The following ANKDD1B variants were observed in gnomAD, a reference collection of about 807,000 sequenced individuals.
The protein encoded by ANKDD1B is ankyrin repeat and death domain-containing protein 1B.
ANKDD1B carries 57 observed loss-of-function variants against 59.7 expected under a neutral mutation model. The ratio of observed to expected loss-of-function variants is 0.95; its 90% CI spans 0.77 to 1.19. ANKDD1B has a LOEUF of 1.19. Ranked by LOEUF, ANKDD1B falls within the 50% of genes most tolerant of loss-of-function variation. ANKDD1B has a pLI of 0.00. For missense variants in ANKDD1B, 602 were observed against 641.9 expected (o/e 0.94, Z 0.67); for synonymous variants, 216 against 239.5 (o/e 0.90, Z 0.91).
At chr5:75,656,556 G>A (rs1774981808) in intron 9 of ANKDD1B, among the ~76,000 whole-genome samples, 1 of 152,170 alleles carries the variant, frequency 6.6e-6, no homozygotes, top group African/African-American at 2.4e-5. Context: ...AGGCAAAAGA[G>A]GCCTCTTGGA....
chr5:75,670,588 G>A (rs918902799), intron 13 of ANKDD1B, among the ~76,000 whole-genome samples: 1 of 152,200 alleles, frequency 6.6e-6, no homozygotes, highest in Non-Finnish European at 1.5e-5. Flanking sequence ...CTCAAAGAGC[G>A]TATTTATGTA....
chr5:75,618,368 C>T (rs925505140), intron 2 of ANKDD1B, among the ~76,000 whole-genome samples: 1 of 152,136 alleles, frequency 6.6e-6, no homozygotes, highest in Non-Finnish European at 1.5e-5. Context: ...AACATTTTTC[C>T]ATATACAACT....
At position 75,669,244 on chromosome 5, in the gene ANKDD1B, T is replaced by G; in HGVS notation, c.1394-8T>G. 8.1e-7 allele frequency: 1 copy of G among 1,232,068 alleles called. No individual in the cohort carries two copies. The highest frequency in any genetic ancestry group is 1.5e-5 in the African/African-American group (1 of 64,534). 76.3% of individuals were successfully genotyped at this position (1,232,068 alleles called of 1,614,324 possible). ...TGTTTTACCTCGGACCTCTTGTGCT[T>G]GGCACAGGAAATGAAAGCTTCCGTG... On this transcript the variant is annotated splice_region_variant and splice_polypyrimidine_tract_variant and intron_variant, in intron 12 of 13. Transcript: ENST00000601380.
At chr5:75,619,893 G>A (rs1029198810) in intron 2 of ANKDD1B, among the ~76,000 whole-genome samples, 2 of 152,098 alleles carry the variant, frequency 1.3e-5, no homozygotes, top group Non-Finnish European at 2.9e-5. Flanking sequence ...AGAGAAGAAC[G>A]AACACGAGTG....
At chr5:75,621,759 C>T (rs1183667590) in intron 3 of ANKDD1B, among the ~76,000 whole-genome samples, 1 of 152,182 alleles carries the variant, frequency 6.6e-6, no homozygotes, top group Non-Finnish European at 1.5e-5. Flanking sequence ...TGTCAGAGTG[C>T]AAATCAATTA....
chr5:75,644,685 TCAA>T (rs758097939), intron 7 of ANKDD1B, among the ~76,000 whole-genome samples: 1 of 20,584 alleles, frequency 4.9e-5, no homozygotes, highest in South Asian at 1.1e-3. Context: ...ATTAGACAGA[TCAA>T]CGAGACAGAA....
rs1224876058 is a variant in ANKDD1B at position 75,644,099 on chromosome 5, G to A, written c.798+8217G>A. Among the ~76,000 whole-genome samples, 45 of 107,032 alleles carry A rather than the reference G, an allele frequency of 4.2e-4. 1 individual carries two copies. The highest frequency in any genetic ancestry group is 1.6e-3 in the African/African-American group (23 of 14,322). 70.2% of individuals were successfully genotyped at this position (107,032 alleles called of 152,430 possible). A position where few individuals can be genotyped will look rare whatever the true frequency, so the allele number is the denominator to read the frequency against. ...CCCTAAAAGAGCTCCTGAAGGAAGCGCTAAACATGGAAAGGAACAACTGGT... is the reference window on the plus strand; with the variant it reads ...CCCTAAAAGAGCTCCTGAAGGAAGCACTAAACATGGAAAGGAACAACTGGT... On this transcript the variant is annotated intron_variant, in intron 7 of 13. Coordinates refer to ENST00000601380, the MANE Select transcript of ANKDD1B (RefSeq NM_001276713.2).
chr5:75,655,571 T>G (rs1774951366), intron 8 of ANKDD1B, among the ~76,000 whole-genome samples: 1 of 152,232 alleles, frequency 6.6e-6, no homozygotes, highest in Non-Finnish European at 1.5e-5. Context: ...TGAGTTTAAA[T>G]GTCAGTTCTT....
intron 7 of ANKDD1B, 98 bp from the exon 8 acceptor site, chr5:75,653,044 T>C: frequency 1.2e-6 from 1 of 805,010 alleles, no homozygotes; most frequent in Non-Finnish European, 2.1e-6. Context: ...GTAGTTGTAC[T>C]ATTTCATTGT....
rs901284175 is a variant in ANKDD1B, at chr5:75,644,980, A to C, written c.799-8162A>C. Among the ~76,000 whole-genome samples, 46 of 132,394 alleles carry C rather than the reference A, an allele frequency of 3.5e-4. 1 individual carries two copies. The highest frequency in any genetic ancestry group is 5.5e-4 in the Non-Finnish European group (37 of 67,330). 86.9% of individuals were successfully genotyped at this position (132,394 alleles called of 152,430 possible). ...CGCTCAACTACATGGAAACTGAACA[A>C]CCTGCTCCTGAATGACTATTGGGTA... On this transcript the variant is annotated intron_variant, in intron 7 of 13. Coordinates refer to ENST00000601380, the MANE Select transcript of ANKDD1B (RefSeq NM_001276713.2).
At chr5:75,640,155 C>G (rs1279199173) in intron 7 of ANKDD1B, among the ~76,000 whole-genome samples, 1 of 151,932 alleles carries the variant, frequency 6.6e-6, no homozygotes, top group African/African-American at 2.4e-5. Context: ...GTGATCCTCT[C>G]ACCTCAGCCT....
At chr5:75,637,636 T>C (rs1423077471) in intron 7 of ANKDD1B, among the ~76,000 whole-genome samples, 1 of 152,244 alleles carries the variant, frequency 6.6e-6, no homozygotes, top group Non-Finnish European at 1.5e-5. Flanking sequence ...ATTTATTTTA[T>C]GCTGCCTATT....
chr5:75,641,994 T>C (rs1774479792), intron 7 of ANKDD1B, among the ~76,000 whole-genome samples: 1 of 152,144 alleles, frequency 6.6e-6, no homozygotes, highest in Admixed American at 6.5e-5. Flanking sequence ...CTTGGAAAAT[T>C]ATGTAGCTGT....
intron 12 of ANKDD1B, among the ~76,000 whole-genome samples, chr5:75,667,452 G>C (rs42854): frequency 0.67 from 102,405 of 152,008 alleles, 34,693 homozygotes; most frequent in Middle Eastern, 0.78. Context: ...ATTCCTTAAA[G>C]CAGGTGGGTG....
chr5:75,632,484 C>T (rs1195830574), intron 5 of ANKDD1B, among the ~76,000 whole-genome samples: 1 of 152,198 alleles, frequency 6.6e-6, no homozygotes, highest in Admixed American at 6.5e-5. Context: ...AAAAATATCT[C>T]ATGGTTGGCT....
intron 11 of ANKDD1B, among the ~76,000 whole-genome samples, chr5:75,665,254 C>T (rs990200714): frequency 6.6e-6 from 1 of 152,230 alleles, no homozygotes; most frequent in African/African-American, 2.4e-5. Flanking sequence ...TCCAAATCTC[C>T]TGCCCTTTTC....
At chr5:75,664,242 G>T (rs547796136) in intron 11 of ANKDD1B, among the ~76,000 whole-genome samples, 4 of 152,306 alleles carry the variant, frequency 2.6e-5, no homozygotes, top group South Asian at 4.1e-4. Context: ...CTGTCCACCT[G>T]GCCAGTCTTG....
Position 75,635,801 on chromosome 5 carries a change from G to T in ANKDD1B, c.717G>T (p.Leu239Phe), listed in dbSNP as rs752092217. The T allele has an allele frequency of 3.3e-6, 5 of 1,533,024 alleles. No homozygotes were observed. The highest frequency in any genetic ancestry group is 1.2e-5 in the South Asian group (1 of 83,804). The allele number at this position is 1,533,024 out of a possible 1,614,324, so 95.0% of individuals were successfully genotyped here. A position where few individuals can be genotyped will look rare whatever the true frequency, so the allele number is the denominator to read the frequency against. ...TGTTGCAGGGGGGAAACACTGCCTT[G>T]CACCTCGCTGCGAAGCATGGTCACA... ...SEKDKGGNTALHLAAKHGHSP... is the reference protein window; with the variant it reads ...SEKDKGGNTAFHLAAKHGHSP... Residue 239 changes from leucine (L) to phenylalanine (F), a missense_variant, in exon 7 of 14, where the codon TTG becomes TTT. Coordinates refer to ENST00000601380, the MANE Select transcript of ANKDD1B (RefSeq NM_001276713.2).
Position 75,669,324 on chromosome 5 carries a change from G to A in ANKDD1B, c.1466G>A (p.Gly489Asp), listed in dbSNP as rs1323577583. 3.2e-6 allele frequency: 4 copies of A among 1,232,030 alleles called. No homozygotes were observed. The Admixed American group carries it at 1.7e-4, about 52-fold the overall frequency. 76.3% of individuals were successfully genotyped at this position (1,232,030 alleles called of 1,614,324 possible). A position where few individuals can be genotyped will look rare whatever the true frequency, so the allele number is the denominator to read the frequency against. ...IWLHGTLMTQ[G>D]DPAKQLYEEL... ...CTACACGGGACCCTGATGACTCAGG[G>A]TGACCCGGCCAAGCAACTGTATGAA... The change falls in exon 13 of 14, where the codon GGT becomes GAT. Residue 489 changes from glycine to aspartate, a missense_variant. By Grantham distance (94) the Gly-to-Asp change is moderately conservative (BLOSUM62 -1). Coordinates refer to ENST00000601380, the MANE Select transcript of ANKDD1B (RefSeq NM_001276713.2).
Sources: gnomAD v4.1 joint callset for allele counts (sites outside exome capture counted in the v4.1 genomes callset) on GRCh38, gnomAD v4.1.1 for gene constraint, MANE v1.5 for transcripts, NCBI Gene and HGNC (gene_info 2026-07-23, HGNC 2026-07-21) for gene names.